Variants in ATM observed in about 807,000 individuals in gnomAD.
The protein encoded by ATM is serine-protein kinase ATM.
A neutral mutation model predicts 387.0 loss-of-function variants in ATM; 308 were observed. The observed-to-expected ratio is 0.80, with a 90% CI of 0.73 to 0.87. The LOEUF (loss-of-function observed/expected upper bound fraction) is 0.87, where lower values mean the gene tolerates loss of function less well. ATM is among the 40% of genes least tolerant of loss of function. The pLI is 0.00. For synonymous variants in ATM, 1,156 were observed against 1,187.3 expected (o/e 0.97, Z 0.54); for missense variants, 3,312 against 3,560.9 (o/e 0.93, Z 1.78).
intron 42 of ATM, among the ~76,000 whole-genome samples, chr11:108,316,603 A>G (rs1408142859): frequency 6.6e-6 from 1 of 152,082 alleles, no homozygotes; most frequent in Admixed American, 6.5e-5. Flanking sequence ...ATTAAACGAT[A>G]TTTTGGGATT....
At position 108,301,637 on chromosome 11, in the gene ATM, GT is replaced by G. The variant is rs747750958; in HGVS notation, c.5178-4del. ...GGTGTACTTGATAGGCATTTGAATT[GT>G]TTTTTTCAGTGTCAAAGTTCGATCA... On this transcript the variant is annotated splice_polypyrimidine_tract_variant and intron_variant, in intron 34 of 62. Transcript: ENST00000675843. 7 of 1,613,088 alleles carry G rather than the reference GT, an allele frequency of 4.3e-6. No homozygotes were observed. The highest frequency in any genetic ancestry group is 4.2e-6 in the Non-Finnish European group (5 of 1,179,430).
At chr11:108,247,736 C>T (rs543300666) in intron 8 of ATM, among the ~76,000 whole-genome samples, 35 of 152,268 alleles carry the variant, frequency 2.3e-4, no homozygotes, top group Non-Finnish European at 4.3e-4. Flanking sequence ...GCTGGGACTA[C>T]AGGTGCCTGC....
rs1405462833 is a variant in ATM at position 108,227,709 on chromosome 11, T to G, written c.72+13T>G. ...TACAGAACGAAAGGTAGTAAATTAC[T>G]TAAATTCAATTTTTCCTTGAAATAA... is the stretch of plus-strand genomic sequence containing the variant. On this transcript the variant is annotated intron_variant, in intron 2 of 62. Transcript: ENST00000675843. 1.2e-6 allele frequency: 2 copies of G among 1,607,222 alleles called. No individual in the cohort carries two copies. The highest frequency in any genetic ancestry group is 3.4e-5 in the Admixed American group (2 of 58,452).
intron 22 of ATM, among the ~76,000 whole-genome samples, chr11:108,277,303 C>T (rs746796967): frequency 6.6e-6 from 1 of 152,164 alleles, no homozygotes; most frequent in African/African-American, 2.4e-5. Context: ...TTGCTGGTCT[C>T]CATGGGGGTG....
chr11:108,308,201 T>TA lies in ATM; in HGVS notation c.5762+219dup, dbSNP rs942381205. 14 of 560,914 alleles carry TA rather than the reference T, an allele frequency of 2.5e-5. No individual in the cohort carries two copies. The Admixed American group carries it at 3.2e-4, about 13-fold the overall frequency. The allele number at this position is 560,914 out of a possible 1,614,324, so 34.7% of individuals were successfully genotyped here. ...TCAATTCTAGTACCAGCTGTACCAG[T>TA]AACCATGTTACCTTTGTTAAATTAT... On this transcript the variant is annotated intron_variant, in intron 38 of 62. Coordinates refer to ENST00000675843, the MANE Select transcript of ATM (RefSeq NM_000051.4).
At chr11:108,300,739 A>C (rs1014016684) in intron 34 of ATM, among the ~76,000 whole-genome samples, 10 of 152,176 alleles carry the variant, frequency 6.6e-5, no homozygotes, top group Admixed American at 2.6e-4. Context: ...AAAGTTTCAA[A>C]CATACAGCAC....
intron 1 of ATM, 51 bp from the exon 2 acceptor site, chr11:108,227,540 CTATA>C (rs1210616540): frequency 1.4e-5 from 15 of 1,091,188 alleles, no homozygotes; most frequent in Non-Finnish European, 1.8e-5. Context: ...CTCTTTCTCT[CTATA>C]TATGCATATA....
chr11:108,323,146 G>T (rs2085353350), intron 45 of ATM, among the ~76,000 whole-genome samples: 1 of 152,178 alleles, frequency 6.6e-6, no homozygotes, highest in Non-Finnish European at 1.5e-5. Flanking sequence ...AAAAGAGAAG[G>T]AAATTTTAGA....
At chr11:108,235,547 T>A (rs2079226926) in intron 4 of ATM, 123 bp from the exon 5 acceptor site, 2 of 952,408 alleles carry the variant, frequency 2.1e-6, no homozygotes, top group African/African-American at 1.7e-5. Flanking sequence ...GCCAATTTCT[T>A]CTCTACAAAA....
intron 40 of ATM, among the ~76,000 whole-genome samples, chr11:108,314,484 G>A (rs1301174267): frequency 2.6e-5 from 4 of 151,584 alleles, no homozygotes; most frequent in Non-Finnish European, 5.9e-5. Flanking sequence ...TATAAGCCTG[G>A]TAGGTCGGTA....
intron 4 of ATM, among the ~76,000 whole-genome samples, chr11:108,235,153 A>C (rs925451602): frequency 3.9e-5 from 6 of 152,100 alleles, no homozygotes; most frequent in Admixed American, 6.5e-5. Context: ...AAAAATTAGC[A>C]GGGTGTGGTG....
chr11:108,271,036 C>G (rs2081544549), intron 18 of ATM, 28 bp from the exon 19 acceptor site: 1 of 1,584,358 alleles, frequency 6.3e-7, no homozygotes, highest in Non-Finnish European at 8.7e-7. Context: ...GTGGATAAAC[C>G]TGATTTTTTT....
rs2091248229 is a variant in ATM at position 108,365,418 on chromosome 11, T to C, written c.9081T>C (p.Ser3027=). ...LKGVEEGTVL[S]VGGQVNLLIQ... Reference sequence around the variant, plus strand: ...GAGTGGAAGAAGGCACTGTGCTCAGTGTTGGTGGACAAGTGAATTTGCTCA... The same window carrying C: ...GAGTGGAAGAAGGCACTGTGCTCAGCGTTGGTGGACAAGTGAATTTGCTCA... The change falls in exon 63 of 63, where the codon AGT becomes AGC. Residue 3027 remains serine (S), a synonymous_variant. Transcript: ENST00000675843. 6.2e-7 allele frequency: 1 copy of C among 1,614,192 alleles called. No individual in the cohort carries two copies. Among genetic ancestry groups the C allele is most frequent in the South Asian group, 1.1e-5 (1 of 91,086 alleles).
intron 22 of ATM, among the ~76,000 whole-genome samples, chr11:108,277,819 C>A (rs1280766698): frequency 6.6e-6 from 1 of 152,174 alleles, no homozygotes; most frequent in Admixed American, 6.5e-5. Context: ...AGAACTGTTC[C>A]TATGTTGCCA....
At chr11:108,354,711 G>C in intron 60 of ATM, 100 bp from the exon 61 acceptor site, 2 of 1,056,426 alleles carry the variant, frequency 1.9e-6, no homozygotes. Context: ...AGATTATTAA[G>C]CATAGGCTCA....
chr11:108,229,046 T>G (rs2078875636), intron 3 of ATM, 132 bp from the exon 4 acceptor site: 1 of 855,898 alleles, frequency 1.2e-6, no homozygotes, highest in South Asian at 1.7e-5. Flanking sequence ...TTTATTTGTT[T>G]TTTTCAGCTG....
intron 16 of ATM, among the ~76,000 whole-genome samples, chr11:108,266,834 A>T (rs1168314251): frequency 6.7e-6 from 1 of 149,294 alleles, no homozygotes; most frequent in Non-Finnish European, 1.5e-5. Flanking sequence ...CGCTTCGTCA[A>T]ACCCAGGCTG....
intron 5 of ATM, chr11:108,236,665 G>C (rs1014485987): frequency 1.3e-5 from 2 of 152,332 alleles, no homozygotes; most frequent in Non-Finnish European, 2.9e-5. Flanking sequence ...CTACTTCTAA[G>C]GTAATGGAAA....
At position 108,367,876 on chromosome 11, in the gene ATM, T is replaced by C. The variant is rs1404029067; in HGVS notation, c.*2368T>C. ...TGCCTAAATGAATATTTGGTATATA[T>C]TGGTAGTTTTATTACTATAGTAAAT... On this transcript the variant is annotated 3_prime_UTR_variant, in exon 63 of 63. Transcript: ENST00000675843. 3 of 205,484 alleles carry C rather than the reference T, an allele frequency of 1.5e-5. No homozygotes were observed. The highest frequency in any genetic ancestry group is 7.5e-5 in the East Asian group (1 of 13,292). 12.7% of individuals were successfully genotyped at this position (205,484 alleles called of 1,614,324 possible).
Sources: gnomAD v4.1 joint callset for allele counts (sites outside exome capture counted in the v4.1 genomes callset) on GRCh38, gnomAD v4.1.1 for gene constraint, MANE v1.5 for transcripts, NCBI Gene and HGNC (gene_info 2026-07-23, HGNC 2026-07-21) for gene names.